The following SRGAP1 variants were observed in gnomAD, a reference collection of about 807,000 sequenced individuals.
SRGAP1 encodes the protein SLIT-ROBO Rho GTPase activating protein 1.
A neutral mutation model predicts 121.9 loss-of-function variants in SRGAP1; 43 were observed. The observed-to-expected ratio is 0.35, with a 90% CI of 0.28 to 0.46. SRGAP1 has a LOEUF of 0.46. Among genes scored for constraint, SRGAP1 ranks in the 20% least tolerant of loss-of-function variants. The pLI, the probability that SRGAP1 is intolerant of heterozygous loss-of-function variation, is 1.00. For synonymous variants in SRGAP1, 447 were observed against 485.4 expected, an observed-to-expected ratio of 0.92 and a Z score of 1.04; for missense variants, 1,102 against 1,350.9, an observed-to-expected ratio of 0.82 and a Z score of 2.89.
intron 1 of SRGAP1, among the ~76,000 whole-genome samples, chr12:63,938,074 C>G (rs1232567496): frequency 6.6e-6 from 1 of 152,192 alleles, no homozygotes. Flanking sequence ...GGAGAGGAAC[C>G]CTCAGCGGTT....
chr12:64,032,449 C>A, intron 4 of SRGAP1: 1 of 740,394 alleles, frequency 1.4e-6, no homozygotes, highest in Non-Finnish European at 2.4e-6. Flanking sequence ...CCTGAGTTTG[C>A]CCCACCATTG....
At chr12:63,850,277 TG>T (rs898072931) in intron 1 of SRGAP1, among the ~76,000 whole-genome samples, 1 of 152,170 alleles carries the variant, frequency 6.6e-6, no homozygotes, top group Non-Finnish European at 1.5e-5. Context: ...CATGACCTTC[TG>T]AAACACATGA....
chr12:63,901,880 T>A (rs1306937694), intron 1 of SRGAP1, among the ~76,000 whole-genome samples: 1 of 152,256 alleles, frequency 6.6e-6, no homozygotes, highest in Non-Finnish European at 1.5e-5. Flanking sequence ...CGAGTTTAAT[T>A]TAACATCATC....
chr12:64,117,599 T>C (rs149464283), intron 18 of SRGAP1, among the ~76,000 whole-genome samples: 84 of 152,312 alleles, frequency 5.5e-4, no homozygotes, highest in African/African-American at 1.8e-3. Context: ...TAATAAATAA[T>C]TCTCCTATAT....
intron 4 of SRGAP1, among the ~76,000 whole-genome samples, chr12:64,030,296 G>A (rs1164184920): frequency 1.3e-5 from 2 of 152,160 alleles, no homozygotes; most frequent in African/African-American, 4.8e-5. Context: ...GAATATGAAT[G>A]TTGATCAAGA....
intron 1 of SRGAP1, among the ~76,000 whole-genome samples, chr12:63,880,584 A>G (rs1900163026): frequency 6.6e-6 from 1 of 152,086 alleles, no homozygotes; most frequent in African/African-American, 2.4e-5. Flanking sequence ...TCTTCGTAGC[A>G]GTATGAAAAT....
intron 18 of SRGAP1, among the ~76,000 whole-genome samples, chr12:64,124,491 T>TC (rs1254587464): frequency 6.6e-6 from 1 of 152,256 alleles, no homozygotes; most frequent in Non-Finnish European, 1.5e-5. Flanking sequence ...ATAGGCATAT[T>TC]CCTGTAAGTA....
At chr12:63,913,910 G>A (rs114564968) in intron 1 of SRGAP1, among the ~76,000 whole-genome samples, 312 of 151,504 alleles carry the variant, frequency 2.1e-3, no homozygotes, top group African/African-American at 7.2e-3. Flanking sequence ...AGTATCCATC[G>A]TGAAGGATTT....
rs1051623703 is a variant in SRGAP1 at position 64,146,901 on chromosome 12, T to C, written c.*4229T>C. 4.8e-5 allele frequency: 7 copies of C among 145,820 alleles called. No homozygotes were observed. The highest frequency in any genetic ancestry group is 1.8e-4 in the African/African-American group (7 of 39,308). The allele number at this position is 145,820 out of a possible 1,614,324, so 9.0% of individuals were successfully genotyped here. On this transcript the variant is annotated 3_prime_UTR_variant, in exon 22 of 22. Transcript: ENST00000355086. ...ATACGTTCTTAAAAAAAAAAAAAAG[T>C]CTATGTGGTATAATCGAGATGGATA... is the stretch of plus-strand genomic sequence containing the variant.
intron 1 of SRGAP1, among the ~76,000 whole-genome samples, chr12:63,922,105 A>G (rs1385141066): frequency 6.6e-6 from 1 of 151,718 alleles, no homozygotes; most frequent in Non-Finnish European, 1.5e-5. Context: ...CAGCCTCCCA[A>G]GTAGCTGAGG....
At chr12:64,054,155 C>T (rs2035293251) in intron 6 of SRGAP1, among the ~76,000 whole-genome samples, 1 of 152,146 alleles carries the variant, frequency 6.6e-6, no homozygotes, top group Non-Finnish European at 1.5e-5. Flanking sequence ...TTCATGGTCT[C>T]CAGTTTCTCC....
chr12:64,036,270 G>C (rs1213900180), intron 4 of SRGAP1, among the ~76,000 whole-genome samples: 1 of 152,142 alleles, frequency 6.6e-6, no homozygotes, highest in African/African-American at 2.4e-5. Flanking sequence ...TTAGGTTCCT[G>C]GGGTTCAGCT....
chr12:63,874,448 C>T (rs1460537501), intron 1 of SRGAP1, among the ~76,000 whole-genome samples: 2 of 152,172 alleles, frequency 1.3e-5, no homozygotes, highest in African/African-American at 4.8e-5. Flanking sequence ...CGTGATCCGC[C>T]TGCCTCGACC....
At chr12:63,953,959 C>T (rs555099532) in intron 1 of SRGAP1, among the ~76,000 whole-genome samples, 1 of 152,280 alleles carries the variant, frequency 6.6e-6, no homozygotes, top group East Asian at 1.9e-4. Flanking sequence ...GTATTTTTCA[C>T]CGTCAATCTT....
At chr12:64,081,982 TCA>T (rs1171883724) in intron 10 of SRGAP1, 1 of 138,694 alleles carries the variant, frequency 7.2e-6, no homozygotes, top group Non-Finnish European at 1.6e-5. Flanking sequence ...CTTTTTTCCC[TCA>T]CAGTGTCATG....
At chr12:64,092,469 TATACATACATACATACATAC>T (rs200490527) in intron 12 of SRGAP1, among the ~76,000 whole-genome samples, 1 of 128,156 alleles carries the variant, frequency 7.8e-6, no homozygotes, top group East Asian at 2.6e-4. Context: ...TACATACATA[TATACATACATACATACATAC>T]ATACATACAT....
chr12:64,014,245 G>A (rs1443250572), intron 3 of SRGAP1, among the ~76,000 whole-genome samples: 2 of 152,178 alleles, frequency 1.3e-5, no homozygotes, highest in Non-Finnish European at 2.9e-5. Context: ...TTGCTTTTAA[G>A]CATTATATTA....
chr12:64,112,565 C>G (rs1038927880), intron 17 of SRGAP1, among the ~76,000 whole-genome samples: 8 of 152,174 alleles, frequency 5.3e-5, no homozygotes, highest in Admixed American at 5.2e-4. Context: ...GACAGGATCT[C>G]ATTCTTTTTA....
intron 21 of SRGAP1, among the ~76,000 whole-genome samples, chr12:64,137,428 C>T (rs1487550224): frequency 6.6e-6 from 1 of 152,084 alleles, no homozygotes; most frequent in African/African-American, 2.4e-5. Context: ...ATGTCACCCT[C>T]GTAAAATGTC....
Sources: gnomAD v4.1 joint callset for allele counts (sites outside exome capture counted in the v4.1 genomes callset) on GRCh38, gnomAD v4.1.1 for gene constraint, MANE v1.5 for transcripts, NCBI Gene and HGNC (gene_info 2026-07-23, HGNC 2026-07-21) for gene names.